The following GNAO1 variants were observed in gnomAD, a reference collection of about 807,000 sequenced individuals.
GNAO1 encodes guanine nucleotide-binding protein G(o) subunit alpha.
For synonymous variants in GNAO1, 164 were observed against 180.7 expected, an observed-to-expected ratio of 0.91 and a Z score of 0.74; for missense variants, 166 against 478.7, an observed-to-expected ratio of 0.35 and a Z score of 6.10.
chr16:56,228,394 T>C (rs1284113291), intron 2 of GNAO1, among the ~76,000 whole-genome samples: 3 of 151,986 alleles, frequency 2.0e-5, no homozygotes, highest in Non-Finnish European at 4.4e-5. Flanking sequence ...AGTGTGTGTG[T>C]GTATATATGT....
At chr16:56,336,496 C>G (rs1238830782) in intron 5 of GNAO1, 1 of 473,274 alleles carries the variant, frequency 2.1e-6, no homozygotes, top group African/African-American at 2.0e-5. Flanking sequence ...GTCTTTGAGT[C>G]ATGATCTGTG....
intron 6 of GNAO1, among the ~76,000 whole-genome samples, chr16:56,342,265 C>T (rs1322772501): frequency 6.6e-6 from 1 of 152,208 alleles, no homozygotes; most frequent in Non-Finnish European, 1.5e-5. Flanking sequence ...TAGTCAGCTG[C>T]AGTCCTAGGA....
At chr16:56,240,728 G>GC in intron 2 of GNAO1, among the ~76,000 whole-genome samples, 1 of 152,060 alleles carries the variant, frequency 6.6e-6, no homozygotes, top group East Asian at 1.9e-4. Flanking sequence ...CCCTCTCCAG[G>GC]CTCAGGGTGC....
At position 56,312,120 on chromosome 16, in the gene GNAO1, C is replaced by T. The variant is rs551566430; in HGVS notation, c.304-16511C>T. Among the ~76,000 whole-genome samples, 4 of 152,264 alleles carry T rather than the reference C, an allele frequency of 2.6e-5. No homozygotes were observed. The East Asian group carries it at 5.8e-4, about 22-fold the overall frequency. On this transcript the variant is annotated intron_variant, in intron 3 of 8. Transcript: ENST00000262493. ...TGCTGATGGCCCCACCTCCTACTCA[C>T]GGGCCTCCATTTCCTCTCGGAAGAC... is the stretch of plus-strand genomic sequence containing the variant.
At chr16:56,301,966 A>T (rs182561293) in intron 3 of GNAO1, 2 of 152,226 alleles carry the variant, frequency 1.3e-5, no homozygotes, top group East Asian at 3.9e-4. Flanking sequence ...CTTGATGTGG[A>T]GGTGTGGGCA....
At chr16:56,343,098 CAA>C (rs1208669947) in intron 6 of GNAO1, among the ~76,000 whole-genome samples, 1 of 133,194 alleles carries the variant, frequency 7.5e-6, no homozygotes, top group Admixed American at 7.6e-5. Context: ...ACTCCATCTC[CAA>C]AAAAAAAAAC....
intron 2 of GNAO1, among the ~76,000 whole-genome samples, chr16:56,251,911 A>G (rs571918599): frequency 7.2e-5 from 11 of 152,144 alleles, no homozygotes; most frequent in Non-Finnish European, 1.6e-4. Flanking sequence ...ATTTCCTGGC[A>G]TTTGTAAGGA....
Position 56,195,094 on chromosome 16 carries a change from C to T in GNAO1, c.161+2478C>T, listed in dbSNP as rs112982746. On this transcript the variant is annotated intron_variant, in intron 2 of 8. Transcript: ENST00000262493. ...TTCTCCTTTTTTTTTTTTTTTTTTT[C>T]CAACCTTACAGGACACCTTTTTCAA... Among the ~76,000 whole-genome samples the T allele has an allele frequency of 7.6e-3, 168 of 22,132 alleles. 8 individuals are homozygous for T. Among genetic ancestry groups the T allele is most frequent in the East Asian group, 0.01 (5 of 494 alleles). The allele number at this position is 22,132 out of a possible 152,430, so 14.5% of individuals were successfully genotyped here.
chr16:56,323,111 T>C (rs1300902615), intron 3 of GNAO1, among the ~76,000 whole-genome samples: 1 of 152,098 alleles, frequency 6.6e-6, no homozygotes. Flanking sequence ...TCTGGACAGA[T>C]GGAGCACCCA....
intron 2 of GNAO1, among the ~76,000 whole-genome samples, chr16:56,267,795 A>G (rs747581737): frequency 6.6e-6 from 1 of 152,180 alleles, no homozygotes; most frequent in Non-Finnish European, 1.5e-5. Context: ...ATCCCAGCCC[A>G]TGATATGGTG....
intron 3 of GNAO1, among the ~76,000 whole-genome samples, chr16:56,304,969 A>G (rs1251209674): frequency 6.6e-6 from 1 of 152,242 alleles, no homozygotes; most frequent in Non-Finnish European, 1.5e-5. Flanking sequence ...CAGGACAGGT[A>G]GGGTTAGCCG....
intron 2 of GNAO1, among the ~76,000 whole-genome samples, chr16:56,262,406 C>G (rs1188429801): frequency 2.0e-5 from 3 of 152,172 alleles, no homozygotes; most frequent in Non-Finnish European, 4.4e-5. Flanking sequence ...TTTGTAAAAG[C>G]CTTGTCTGTG....
At chr16:56,269,838 A>G (rs2036998207) in intron 2 of GNAO1, among the ~76,000 whole-genome samples, 1 of 152,198 alleles carries the variant, frequency 6.6e-6, no homozygotes. Flanking sequence ...TCACACTGTC[A>G]GAGGAGTCTA....
At chr16:56,192,807 T>A in intron 2 of GNAO1, 191 bp downstream of exon 2, 1 of 580,078 alleles carries the variant, frequency 1.7e-6, no homozygotes, top group South Asian at 2.1e-5. Flanking sequence ...TCCTCCACCC[T>A]AACTCCTGGG....
intron 3 of GNAO1, among the ~76,000 whole-genome samples, chr16:56,289,027 C>CAA (rs111415218): frequency 1.3e-5 from 2 of 150,022 alleles, no homozygotes; most frequent in East Asian, 2.0e-4. Context: ...CCTTTGTATC[C>CAA]AAAAAAGGGG....
intron 2 of GNAO1, chr16:56,255,378 T>G (rs1455311849): frequency 6.6e-6 from 1 of 152,228 alleles, no homozygotes; most frequent in African/African-American, 2.4e-5. Context: ...TCTTGTGTGT[T>G]TCCTCTAAAA....
At chr16:56,266,655 A>G (rs1206458367) in intron 2 of GNAO1, among the ~76,000 whole-genome samples, 1 of 152,156 alleles carries the variant, frequency 6.6e-6, no homozygotes, top group East Asian at 1.9e-4. Context: ...TAATATTAGC[A>G]GCTGACATTT....
chr16:56,256,765 T>C (rs1421583829), intron 2 of GNAO1, among the ~76,000 whole-genome samples: 1 of 150,994 alleles, frequency 6.6e-6, no homozygotes, highest in East Asian at 2.0e-4. Context: ...TGTGTTTGTC[T>C]TTTTTTCTGG....
chr16:56,294,019 A>G (rs1299846850), intron 3 of GNAO1, among the ~76,000 whole-genome samples: 1 of 152,230 alleles, frequency 6.6e-6, no homozygotes, highest in African/African-American at 2.4e-5. Flanking sequence ...TAACTGTGCC[A>G]ACAGTGTTGA....
Sources: gnomAD v4.1 joint callset for allele counts (sites outside exome capture counted in the v4.1 genomes callset) on GRCh38, gnomAD v4.1.1 for gene constraint, MANE v1.5 for transcripts, NCBI Gene and HGNC (gene_info 2026-07-23, HGNC 2026-07-21) for gene names.